AHCTF1: variants seen among roughly 807,000 people sequenced by gnomAD.
The protein encoded by AHCTF1 is AT-hook containing transcription factor 1, also known as protein ELYS.
AHCTF1 carries 24 observed loss-of-function variants against 248.4 expected under a neutral mutation model. The ratio of observed to expected loss-of-function variants is 0.10; its 90% CI spans 0.07 to 0.14. The LOEUF is 0.14. AHCTF1 is among the 10% of genes least tolerant of loss of function. The pLI, the probability that AHCTF1 is intolerant of heterozygous loss-of-function variation, is 1.00. For missense variants in AHCTF1, 2,206 were observed against 2,636.2 expected, an observed-to-expected ratio of 0.84 and a Z score of 3.57; for synonymous variants, 786 against 929.8, an observed-to-expected ratio of 0.85 and a Z score of 2.81.
At chr1:246,929,920 CGT>C (rs879507486) in intron 1 of AHCTF1, among the ~76,000 whole-genome samples, 24 of 152,022 alleles carry the variant, frequency 1.6e-4, no homozygotes, top group Non-Finnish European at 2.5e-4. Context: ...GGTGTGGTGG[CGT>C]GCGCCTGTAA....
intron 27 of AHCTF1, 86 bp from the exon 28 acceptor site, chr1:246,862,239 G>A (rs1254120767): frequency 3.5e-5 from 32 of 910,088 alleles, no homozygotes; most frequent in Non-Finnish European, 4.6e-5. Context: ...CCTGCACTTT[G>A]GGAGGCAGAG....
chr1:246,923,565 A>G (rs1295058847), intron 1 of AHCTF1, among the ~76,000 whole-genome samples: 1 of 152,234 alleles, frequency 6.6e-6, no homozygotes, highest in Non-Finnish European at 1.5e-5. Flanking sequence ...GTAAAAAGCT[A>G]TTTGGATATT....
At chr1:246,897,289 GGGCAACAGAC>G (rs1369053025) in intron 12 of AHCTF1, among the ~76,000 whole-genome samples, 12 of 152,166 alleles carry the variant, frequency 7.9e-5, no homozygotes, top group African/African-American at 2.9e-4. Context: ...ACTCCAGTCT[GGGCAACAGAC>G]CGAGATGCTG....
chr1:246,857,565 A>G (rs1661194356), intron 30 of AHCTF1, 126 bp downstream of exon 30: 1 of 1,037,914 alleles, frequency 9.6e-7, no homozygotes, highest in Non-Finnish European at 1.4e-6. Context: ...AAAACAGCCA[A>G]CATTACCAAA....
At chr1:246,854,866 C>T (rs1437745344) in intron 31 of AHCTF1, among the ~76,000 whole-genome samples, 1 of 152,228 alleles carries the variant, frequency 6.6e-6, no homozygotes, top group Non-Finnish European at 1.5e-5. Flanking sequence ...CTTGTCTCCT[C>T]TTCCAACATA....
chr1:246,842,817 A>C (rs1177272052), intron 34 of AHCTF1, 41 bp from the exon 35 acceptor site: 7 of 1,543,672 alleles, frequency 4.5e-6, no homozygotes, highest in Non-Finnish European at 6.3e-6. Flanking sequence ...ATTAAACACG[A>C]ATCCAATTTT....
At chr1:246,890,521 A>G (rs1572422197) in intron 16 of AHCTF1, among the ~76,000 whole-genome samples, 1 of 152,140 alleles carries the variant, frequency 6.6e-6, no homozygotes, top group Non-Finnish European at 1.5e-5. Context: ...ACCAAAAATT[A>G]TCTTATTGTT....
Position 246,840,189 on chromosome 1 carries a change from C to A in AHCTF1, c.*617G>T, listed in dbSNP as rs1457814653. 1 of 152,512 alleles carries A rather than the reference C, an allele frequency of 6.6e-6. No homozygotes were observed. Among genetic ancestry groups the A allele is most frequent in the Non-Finnish European group, 1.5e-5 (1 of 68,016 alleles). The allele number at this position is 152,512 out of a possible 1,614,324, so 9.4% of individuals were successfully genotyped here. On this transcript the variant is annotated 3_prime_UTR_variant, in exon 36 of 36. Transcript: ENST00000648844. The stretch of plus-strand genomic sequence containing the variant: ...AGACTTTAAAGAGCCTTTAAGCTTG[C>A]CGAATAAGAGATGCCAACATTATAG...
intron 6 of AHCTF1, among the ~76,000 whole-genome samples, chr1:246,905,070 T>C (rs1028450410): frequency 6.6e-6 from 1 of 152,250 alleles, no homozygotes; most frequent in African/African-American, 2.4e-5. Flanking sequence ...TTCAAGCATG[T>C]AGAAACAACC....
intron 21 of AHCTF1, among the ~76,000 whole-genome samples, chr1:246,880,127 A>G (rs1558242773): frequency 6.6e-6 from 1 of 152,110 alleles, no homozygotes. Flanking sequence ...GGGTACTAAG[A>G]GGAAACAGGC....
intron 11 of AHCTF1, among the ~76,000 whole-genome samples, chr1:246,899,183 T>G (rs1387700155): frequency 1.3e-5 from 2 of 152,172 alleles, no homozygotes; most frequent in Non-Finnish European, 1.5e-5. Context: ...TTACTTCATT[T>G]CCTCATAAGC....
chr1:246,873,984 C>T (rs999834056), intron 24 of AHCTF1, among the ~76,000 whole-genome samples: 5 of 152,194 alleles, frequency 3.3e-5, no homozygotes, highest in Admixed American at 2.6e-4. Context: ...TCTGACCCAA[C>T]AGGGAGGTAC....
chr1:246,880,519 G>A (rs572284221), intron 21 of AHCTF1, among the ~76,000 whole-genome samples: 80 of 146,812 alleles, frequency 5.4e-4, no homozygotes, highest in African/African-American at 1.9e-3. Context: ...AGCCGAGATC[G>A]CGCCACTGCA....
intron 32 of AHCTF1, 59 bp from the exon 33 acceptor site, chr1:246,851,501 A>C (rs1660718050): frequency 6.9e-7 from 1 of 1,457,348 alleles, no homozygotes. Flanking sequence ...TTTAACTTGA[A>C]GCACACAGGT....
chr1:246,857,265 G>A (rs1424887094), intron 30 of AHCTF1, among the ~76,000 whole-genome samples: 5 of 152,164 alleles, frequency 3.3e-5, no homozygotes, highest in Non-Finnish European at 7.3e-5. Flanking sequence ...TCAAATGGTC[G>A]TTAAAAAACA....
At chr1:246,853,342 A>C (rs1660857897) in intron 31 of AHCTF1, 43 bp from the exon 32 acceptor site, 4 of 1,502,574 alleles carry the variant, frequency 2.7e-6, no homozygotes, top group Non-Finnish European at 3.7e-6. Flanking sequence ...AAACTGAAAA[A>C]TAAATCCACA....
At chr1:246,911,436 A>G (rs1003805688) in intron 4 of AHCTF1, among the ~76,000 whole-genome samples, 3 of 150,560 alleles carry the variant, frequency 2.0e-5, no homozygotes, top group Admixed American at 1.3e-4. Flanking sequence ...TCAGGTTTGT[A>G]TACATACCAA....
At position 246,899,467 on chromosome 1, in the gene AHCTF1, G is replaced by C. The variant is rs1664842782; in HGVS notation, c.1478C>G (p.Thr493Ser). Residue 493 changes from threonine (T) to serine (S), a missense_variant, in exon 11 of 36, where the codon ACT becomes AGT. By Grantham distance (58) the Thr-to-Ser change is moderately conservative. This residue lies in a region of AHCTF1 where 650 missense variants were observed against 870.8 expected (regional missense o/e 0.75). Transcript: ENST00000648844. ...LNSGVVHLTC[T>S]GFQKETLTFL... Reference sequence around the variant, plus strand: ...GTTACCTACCTCCTTCTGAAAGCCAGTACAAGTTAAATGAACAACTCCCGA... The same window carrying C: ...GTTACCTACCTCCTTCTGAAAGCCACTACAAGTTAAATGAACAACTCCCGA... 1 of 1,607,800 alleles carries C rather than the reference G, an allele frequency of 6.2e-7. No homozygotes were observed. Among genetic ancestry groups the C allele is most frequent in the Non-Finnish European group, 8.5e-7 (1 of 1,177,648 alleles).
chr1:246,884,149 CTTT>C (rs1276671305), intron 21 of AHCTF1, among the ~76,000 whole-genome samples: 2 of 152,092 alleles, frequency 1.3e-5, no homozygotes, highest in South Asian at 2.1e-4. Flanking sequence ...CATTTAGCTT[CTTT>C]ATTTTGTTCT....
Sources: gnomAD v4.1 joint callset for allele counts (sites outside exome capture counted in the v4.1 genomes callset) on GRCh38, gnomAD v4.1.1 for gene constraint, gnomAD v4.1.1 regional missense constraint, MANE v1.5 for transcripts, NCBI Gene and HGNC (gene_info 2026-07-23, HGNC 2026-07-21) for gene names.